Variants in SYNE1 observed in about 807,000 individuals in gnomAD.
The protein encoded by SYNE1 is spectrin repeat containing nuclear envelope protein 1.
SYNE1 carries 616 observed loss-of-function variants against 1,111.0 expected under a neutral mutation model. The ratio of observed to expected loss-of-function variants is 0.55; its 90% CI spans 0.52 to 0.59. The LOEUF (loss-of-function observed/expected upper bound fraction) is 0.59. Ranked by LOEUF, SYNE1 falls within the 20% of genes least tolerant of loss-of-function variation. The probability of loss-of-function intolerance (pLI) is 0.00; values close to 1 mark genes in which losing one functional copy is unlikely to be tolerated. For synonymous variants in SYNE1, 3,855 were observed against 3,825.8 expected (o/e 1.01, Z -0.28); for missense variants, 10,006 against 10,417.0 (o/e 0.96, Z 1.72).
chr6:152,278,176 G>T lies in SYNE1; in HGVS notation c.18486C>A (p.Ala6162=). 6.2e-7 allele frequency: 1 copy of T among 1,614,136 alleles called. No individual in the cohort carries two copies. The highest frequency in any genetic ancestry group is 8.5e-7 in the Non-Finnish European group (1 of 1,180,042). ...TTCTCAGCTTTCCAGCCAGCTGCTC[G>T]GCCTCGTCCTTGGTGTGAGCTTTGC... ...LEGKAHTKDE[A]EQLAGKLRRL... Residue 6162 remains alanine, a synonymous_variant, in exon 98 of 146, where the codon GCC becomes GCA. Transcript: ENST00000367255.
chr6:152,188,612 C>A (rs972685301), intron 128 of SYNE1, among the ~76,000 whole-genome samples: 3 of 152,080 alleles, frequency 2.0e-5, no homozygotes, highest in Non-Finnish European at 4.4e-5. Flanking sequence ...TCAAGTATAT[C>A]TACCCAGCAA....
intron 3 of SYNE1, among the ~76,000 whole-genome samples, chr6:152,599,633 C>T (rs921269920): frequency 6.6e-6 from 1 of 152,150 alleles, no homozygotes; most frequent in African/African-American, 2.4e-5. Flanking sequence ...TCCCAAACTA[C>T]TGACTATAAA....
intron 76 of SYNE1, 25 bp from the exon 77 acceptor site, chr6:152,334,298 T>C (rs771174771): frequency 7.4e-6 from 12 of 1,611,512 alleles, no homozygotes; most frequent in East Asian, 4.5e-5. Context: ...CAACAAAAAA[T>C]ATGTAATGTG....
At chr6:152,162,507 C>A (rs954255668) in intron 131 of SYNE1, among the ~76,000 whole-genome samples, 2 of 152,114 alleles carry the variant, frequency 1.3e-5, no homozygotes, top group African/African-American at 4.8e-5. Context: ...TTACGATACC[C>A]GCCATTTGCA....
rs2083342255 is a variant in SYNE1 at position 152,233,795 on chromosome 6, C to A, written c.20698G>T (p.Glu6900Ter). Residue 6900 changes from glutamate to a stop codon, truncating the protein, a stop_gained, in exon 112 of 146, where the codon GAG becomes TAG. Coordinates refer to ENST00000367255, the MANE Select transcript of SYNE1 (RefSeq NM_182961.4). LOFTEE classifies it high-confidence loss of function. ...CCTTTCTGTACCTGGTGGAGCTTCTCCTGGACGGCTGGGATATTGGTTAGC... is the reference window on the plus strand; with the variant it reads ...CCTTTCTGTACCTGGTGGAGCTTCTACTGGACGGCTGGGATATTGGTTAGC... ...DLLTNIPAVQ[E>*]KLHQLQMDKL... The A allele has an allele frequency of 6.2e-7, 1 of 1,614,082 alleles. No individual in the cohort carries two copies. Among genetic ancestry groups the A allele is most frequent in the African/African-American group, 1.3e-5 (1 of 74,942 alleles).
intron 3 of SYNE1, among the ~76,000 whole-genome samples, chr6:152,623,485 G>A (rs952165856): frequency 2.0e-5 from 3 of 151,974 alleles, no homozygotes; most frequent in African/African-American, 7.2e-5. Flanking sequence ...TGATGAAGAT[G>A]CCAAAAGCAA....
chr6:152,446,113 T>A (rs1358197739), intron 29 of SYNE1, among the ~76,000 whole-genome samples: 1 of 151,222 alleles, frequency 6.6e-6, no homozygotes, highest in Non-Finnish European at 1.5e-5. Context: ...AGTCAATTTT[T>A]TTTTTTTTTT....
At chr6:152,488,051 GGA>G (rs1302699073) in intron 12 of SYNE1, among the ~76,000 whole-genome samples, 7 of 145,924 alleles carry the variant, frequency 4.8e-5, no homozygotes, top group Non-Finnish European at 8.9e-5. Context: ...CTCTAGCCTG[GGA>G]GAGAGAGTGA....
intron 91 of SYNE1, chr6:152,302,402 T>G: frequency 2.5e-6 from 1 of 401,710 alleles, no homozygotes; most frequent in Non-Finnish European, 4.7e-6. Context: ...CAACTCTCTT[T>G]AAAAGCAGAA....
chr6:152,224,391 A>T, intron 117 of SYNE1, 103 bp downstream of exon 117: 1 of 1,058,952 alleles, frequency 9.4e-7, no homozygotes, highest in Middle Eastern at 2.1e-4. Context: ...AATTAAACGT[A>T]AACAACATAT....
chr6:152,553,385 T>C (rs1157041342), intron 3 of SYNE1, among the ~76,000 whole-genome samples: 1 of 152,086 alleles, frequency 6.6e-6, no homozygotes, highest in Non-Finnish European at 1.5e-5. Flanking sequence ...GTGTCAGAAA[T>C]GGGTATCTCA....
intron 30 of SYNE1, among the ~76,000 whole-genome samples, chr6:152,443,746 T>C (rs73629805): frequency 0.035 from 5,356 of 152,298 alleles, 339 homozygotes; most frequent in African/African-American, 0.12. Flanking sequence ...TTAGCTAGAA[T>C]TTTTCATTAA....
chr6:152,269,171 C>T lies in SYNE1; in HGVS notation c.18689G>A (p.Ser6230Asn), dbSNP rs1026486327. 1 of 1,614,246 alleles carries T rather than the reference C, an allele frequency of 6.2e-7. No homozygotes were observed. The highest frequency in any genetic ancestry group is 1.3e-5 in the African/African-American group (1 of 75,072). ...RTTWTQQRQS[S>N]LQQQKELEQE... ...ACACTTTACTTTTTGTTGCTGGAGA[C>T]TGCTCTGCCGCTGCTGGGTCCATGT... Residue 6230 changes from serine (S) to asparagine (N), a missense_variant, in exon 99 of 146, where the codon AGT (serine) becomes AAT (asparagine). Ser to Asn is a conservative substitution (Grantham distance 46). Coordinates refer to ENST00000367255, the MANE Select transcript of SYNE1 (RefSeq NM_182961.4).
rs747392444 is a variant in SYNE1, at chr6:152,215,060, C to A, written c.22192G>T (p.Gly7398Ter). 6.2e-7 allele frequency: 1 copy of A among 1,613,852 alleles called. No individual in the cohort carries two copies. ...ATGCTGCTGAATTTTAACATCTGTC[C>A]CTAGAAGGAAGATTTAAAAGTAGGT... ...TIQERMEELK[G>*]QMLKFSSMAP... The change falls in exon 122 of 146, where the codon GGA becomes TGA. Residue 7398 changes from glycine (G) to a stop codon, truncating the protein, a stop_gained and splice_region_variant. Coordinates refer to ENST00000367255, the MANE Select transcript of SYNE1 (RefSeq NM_182961.4). LOFTEE classifies it high-confidence loss of function.
At chr6:152,241,750 T>C (rs141724189) in intron 107 of SYNE1, among the ~76,000 whole-genome samples, 1 of 152,240 alleles carries the variant, frequency 6.6e-6, no homozygotes, top group East Asian at 1.9e-4. Flanking sequence ...ACCCTGGATC[T>C]GAGTAGTCAG....
intron 21 of SYNE1, 55 bp downstream of exon 21, chr6:152,461,542 G>A: frequency 6.2e-7 from 1 of 1,611,102 alleles, no homozygotes; most frequent in Non-Finnish European, 8.5e-7. Flanking sequence ...TAGCAAGCAA[G>A]CTGAAGGCAC....
intron 91 of SYNE1, among the ~76,000 whole-genome samples, chr6:152,304,691 T>G (rs1020511405): frequency 6.6e-6 from 1 of 152,214 alleles, no homozygotes; most frequent in East Asian, 1.9e-4. Context: ...ATCACATGGC[T>G]GGGCACAGCT....
intron 55 of SYNE1, among the ~76,000 whole-genome samples, chr6:152,382,772 T>G (rs1051451892): frequency 6.6e-6 from 1 of 152,208 alleles, no homozygotes; most frequent in African/African-American, 2.4e-5. Flanking sequence ...AAATACTCTC[T>G]TATGCTTTAT....
At chr6:152,377,563 C>T (rs190050) in intron 56 of SYNE1, among the ~76,000 whole-genome samples, 41,788 of 132,772 alleles carry the variant, frequency 0.31, 6,791 homozygotes, top group Middle Eastern at 0.53. Flanking sequence ...GAGCCGAGAT[C>T]GTGCCATTGC....
Sources: allele counts gnomAD v4.1 joint callset (sites outside exome capture counted in the v4.1 genomes callset), GRCh38; gene constraint gnomAD v4.1.1; transcripts MANE v1.5; gene names NCBI Gene and HGNC (gene_info 2026-07-23, HGNC 2026-07-21).